The following KIRREL1 variants were observed in gnomAD, a reference collection of about 807,000 sequenced individuals.
The protein encoded by KIRREL1 is kirre like nephrin family adhesion molecule 1.
A neutral mutation model predicts 83.3 loss-of-function variants in KIRREL1; 25 were observed. The observed-to-expected ratio is 0.30, with a 90% confidence interval of 0.22 to 0.42. The LOEUF is 0.42. KIRREL1 is among the 10% of genes least tolerant of loss of function. The probability of loss-of-function intolerance (pLI) is 1.00; values close to 1 mark genes in which losing one functional copy is unlikely to be tolerated. For missense variants in KIRREL1, 812 were observed against 1,032.3 expected (o/e 0.79, Z 2.92); for synonymous variants, 388 against 410.4 (o/e 0.95, Z 0.66).
intron 1 of KIRREL1, among the ~76,000 whole-genome samples, chr1:158,067,284 G>A (rs1364519379): frequency 2.0e-5 from 3 of 152,152 alleles, no homozygotes; most frequent in Non-Finnish European, 4.4e-5. Flanking sequence ...AGCTTCTAAT[G>A]GGAAAGGAAA....
chr1:158,092,330 T>C (rs1489834442), intron 11 of KIRREL1, among the ~76,000 whole-genome samples: 2 of 147,004 alleles, frequency 1.4e-5, no homozygotes, highest in Non-Finnish European at 3.0e-5. Context: ...AATGACAGCA[T>C]CCCATCACTT....
chr1:158,029,517 T>C (rs1454252328), intron 1 of KIRREL1, among the ~76,000 whole-genome samples: 3 of 152,238 alleles, frequency 2.0e-5, no homozygotes, highest in African/African-American at 7.2e-5. Flanking sequence ...GGGAGTCTTA[T>C]ATTTAGATAA....
At chr1:158,051,881 T>A (rs1279097548) in intron 1 of KIRREL1, among the ~76,000 whole-genome samples, 1 of 152,146 alleles carries the variant, frequency 6.6e-6, no homozygotes, top group Non-Finnish European at 1.5e-5. Flanking sequence ...TGACCTCCCT[T>A]CCTCTCAGCT....
intron 4 of KIRREL1, among the ~76,000 whole-genome samples, chr1:158,085,704 G>A (rs751623229): frequency 3.9e-5 from 6 of 152,156 alleles, no homozygotes; most frequent in East Asian, 1.9e-4. Context: ...GTCAAACAAC[G>A]GGGTCTTACT....
At chr1:158,009,099 A>G (rs1284417418) in intron 1 of KIRREL1, among the ~76,000 whole-genome samples, 1 of 152,166 alleles carries the variant, frequency 6.6e-6, no homozygotes. Context: ...AGTTGGACAC[A>G]CAGTTGGACC....
chr1:158,051,515 C>T lies in KIRREL1; in HGVS notation c.53-24598C>T, dbSNP rs567699469. Reference sequence around the variant, plus strand: ...ACACTACCAGTAACCAGCATGTAGCCGCATCAACATCAACACTAGAGTAAC... The same window carrying T: ...ACACTACCAGTAACCAGCATGTAGCTGCATCAACATCAACACTAGAGTAAC... On this transcript the variant is annotated intron_variant, in intron 1 of 14. Coordinates refer to ENST00000359209, the MANE Select transcript of KIRREL1 (RefSeq NM_018240.7). Among the ~76,000 whole-genome samples the T allele has an allele frequency of 7.2e-5, 11 of 152,232 alleles. No individual in the cohort carries two copies. In the East Asian group the frequency reaches 1.3e-3, roughly 19 times the overall value.
At chr1:158,058,822 G>C (rs1276876526) in intron 1 of KIRREL1, among the ~76,000 whole-genome samples, 1 of 152,082 alleles carries the variant, frequency 6.6e-6, no homozygotes, top group African/African-American at 2.4e-5. Flanking sequence ...TCCTGAGCTG[G>C]GGGTCCAAAC....
intron 1 of KIRREL1, among the ~76,000 whole-genome samples, chr1:158,075,585 G>T (rs1661655644): frequency 6.6e-6 from 1 of 152,248 alleles, no homozygotes; most frequent in South Asian, 2.1e-4. Flanking sequence ...TGGAGGAATT[G>T]TACCTGGCAT....
intron 1 of KIRREL1, among the ~76,000 whole-genome samples, chr1:158,015,084 T>G (rs1168710188): frequency 6.6e-6 from 1 of 152,160 alleles, no homozygotes; most frequent in African/African-American, 2.4e-5. Flanking sequence ...TACTCTTTTG[T>G]TTTTTAAATG....
intron 1 of KIRREL1, among the ~76,000 whole-genome samples, chr1:158,045,011 C>T (rs974601673): frequency 2.0e-5 from 3 of 152,008 alleles, no homozygotes; most frequent in East Asian, 1.9e-4. Flanking sequence ...AAGGTGATAA[C>T]AAGAAAAGAT....
At chr1:158,078,301 C>T (rs1419909853) in intron 3 of KIRREL1, among the ~76,000 whole-genome samples, 161 bp downstream of exon 3, 1 of 152,210 alleles carries the variant, frequency 6.6e-6, no homozygotes, top group Non-Finnish European at 1.5e-5. Context: ...AGAAAGTAAA[C>T]CAGGCATGTG....
intron 1 of KIRREL1, among the ~76,000 whole-genome samples, chr1:158,016,869 AGT>A (rs1659840860): frequency 6.6e-6 from 1 of 152,242 alleles, no homozygotes; most frequent in South Asian, 2.1e-4. Context: ...AAGTTGACAG[AGT>A]GTGACTTCTA....
Position 158,089,635 on chromosome 1 carries a change from G to T in KIRREL1, c.1171+7G>T, listed in dbSNP as rs1662131023. 6.2e-7 allele frequency: 1 copy of T among 1,613,196 alleles called. No homozygotes were observed. On this transcript the variant is annotated splice_region_variant and intron_variant, in intron 9 of 14. Transcript: ENST00000359209. ...GTGCCGCTCTATGTGAACGGTGAGT[G>T]AGTGGCCTGAGAGGCAGCCGGGCCT... is the stretch of plus-strand genomic sequence containing the variant.
chr1:158,044,020 A>G (rs1399059788), intron 1 of KIRREL1, among the ~76,000 whole-genome samples: 1 of 152,248 alleles, frequency 6.6e-6, no homozygotes, highest in Non-Finnish European at 1.5e-5. Flanking sequence ...CAATCCACAT[A>G]AAAGAACAAG....
rs529122194 is a variant in KIRREL1, at chr1:158,068,393, G to A, written c.53-7720G>A. On this transcript the variant is annotated intron_variant, in intron 1 of 14. Transcript: ENST00000359209. ...GATGCCTCATCTGTCAAAGGAGGGG[G>A]TTAAGGGTCTCTAAAGTCAGTCACA... Among the ~76,000 whole-genome samples, 7 of 152,288 alleles carry A rather than the reference G, an allele frequency of 4.6e-5. No individual in the cohort carries two copies. In the South Asian group the frequency reaches 1.5e-3, roughly 32 times the overall value.
rs893050616 is a variant in KIRREL1, at chr1:158,094,720, A to C, written c.1874A>C (p.Tyr625Ser). The C allele has an allele frequency of 2.5e-6, 4 of 1,613,080 alleles. No individual in the cohort carries two copies. Among genetic ancestry groups the C allele is most frequent in the Non-Finnish European group, 3.4e-6 (4 of 1,179,942 alleles). The change falls in exon 15 of 15, where the codon TAC (tyrosine) becomes TCC (serine). Residue 625 changes from tyrosine to serine, a missense_variant. Tyr to Ser is a moderately radical substitution (Grantham distance 144, BLOSUM62 -2). Transcript: ENST00000359209. The surrounding 1 kb of genome is among the most constrained non-coding windows in gnomAD (Gnocchi z 4.6). Reference sequence around the variant, plus strand: ...TCCAGGGCAGTGCTCTATGCTGACTACCGTGCCCCTGGCCCTGCCCGCTTC... The same window carrying C: ...TCCAGGGCAGTGCTCTATGCTGACTCCCGTGCCCCTGGCCCTGCCCGCTTC... ...PSSRAVLYAD[Y>S]RAPGPARFDG...
intron 1 of KIRREL1, among the ~76,000 whole-genome samples, chr1:158,043,800 G>A (rs1660704736): frequency 6.6e-6 from 1 of 152,178 alleles, no homozygotes; most frequent in Non-Finnish European, 1.5e-5. Context: ...TGCCATGGCA[G>A]GGAGCCGTGA....
At chr1:158,054,788 T>A (rs1661007294) in intron 1 of KIRREL1, among the ~76,000 whole-genome samples, 1 of 152,220 alleles carries the variant, frequency 6.6e-6, no homozygotes, top group African/African-American at 2.4e-5. Flanking sequence ...CCCTCAATTC[T>A]GTTCAATTCA....
intron 1 of KIRREL1, among the ~76,000 whole-genome samples, chr1:158,035,168 CT>C (rs1434204394): frequency 2.0e-5 from 3 of 152,200 alleles, no homozygotes; most frequent in Non-Finnish European, 2.9e-5. Flanking sequence ...TTCAGGCTCC[CT>C]CTCTGCCTCT....
Sources: gnomAD v4.1 joint callset for allele counts (sites outside exome capture counted in the v4.1 genomes callset) on GRCh38, gnomAD v4.1.1 for gene constraint, Gnocchi (gnomAD v3.1) non-coding constraint, MANE v1.5 for transcripts, NCBI Gene and HGNC (gene_info 2026-07-23, HGNC 2026-07-21) for gene names.